The following MAD1L1 variants were observed in gnomAD, a reference collection of about 807,000 sequenced individuals.
The protein encoded by MAD1L1 is mitotic spindle assembly checkpoint protein MAD1.
A neutral mutation model predicts 96.9 loss-of-function variants in MAD1L1; 95 were observed. That is an observed-to-expected ratio of 0.98 (90% CI 0.83 to 1.16). MAD1L1 has a LOEUF of 1.16. MAD1L1 is among the 50% of genes most tolerant of loss of function. MAD1L1 has a pLI of 0.00. For missense variants in MAD1L1, 1,007 were observed against 954.4 expected (o/e 1.06, Z -0.73); for synonymous variants, 473 against 396.6 (o/e 1.19, Z -2.29).
At chr7:1,926,018 CA>C (rs761920902) in intron 17 of MAD1L1, among the ~76,000 whole-genome samples, 4 of 141,798 alleles carry the variant, frequency 2.8e-5, no homozygotes, top group African/African-American at 5.2e-5. Flanking sequence ...GGCTAACAGA[CA>C]AAAAAAGAAA....
At chr7:2,061,925 ATTCCAATATGTGACGCT>A (rs1044263217) in intron 12 of MAD1L1, among the ~76,000 whole-genome samples, 1 of 152,238 alleles carries the variant, frequency 6.6e-6, no homozygotes, top group African/African-American at 2.4e-5. Context: ...CAGGTATGTG[ATTCCAATATGTGACGCT>A]TAAAAACAGG....
chr7:1,952,341 G>A (rs755641853), intron 16 of MAD1L1, among the ~76,000 whole-genome samples: 33 of 152,232 alleles, frequency 2.2e-4, no homozygotes, highest in African/African-American at 7.2e-4. Context: ...CGGAGTGGGC[G>A]CTTCTCCTGT....
chr7:2,132,407 A>AGC (rs995524363), intron 11 of MAD1L1, among the ~76,000 whole-genome samples: 888 of 86,790 alleles, frequency 0.01, 13 homozygotes, highest in African/African-American at 0.028. Flanking sequence ...GGCCGCGTGC[A>AGC]GTCGGTTCAC....
At chr7:2,135,895 A>G (rs112616656) in intron 11 of MAD1L1, among the ~76,000 whole-genome samples, 2,252 of 152,320 alleles carry the variant, frequency 0.015, 27 homozygotes, top group Admixed American at 0.03. Flanking sequence ...ATAACTCACA[A>G]GCAGCCAGGC....
At chr7:2,210,451 C>CGGCATGAGCACCACCCCACTGACG in intron 10 of MAD1L1, among the ~76,000 whole-genome samples, 2 of 132,448 alleles carry the variant, frequency 1.5e-5, no homozygotes, top group Non-Finnish European at 3.4e-5. Context: ...CCCGTGGACT[C>CGGCATGAGCACCACCCCACTGACG]TCTAGGAGCC....
chr7:1,938,901 GCGCACACACA>G (rs1339487238), intron 16 of MAD1L1, among the ~76,000 whole-genome samples: 34 of 61,326 alleles, frequency 5.5e-4, no homozygotes, highest in African/African-American at 3.0e-3. Flanking sequence ...GGCCAGAGGC[GCGCACACACA>G]CACACACACA....
chr7:1,977,106 A>G (rs1052987378), intron 15 of MAD1L1, among the ~76,000 whole-genome samples: 1 of 152,150 alleles, frequency 6.6e-6, no homozygotes, highest in Non-Finnish European at 1.5e-5. Flanking sequence ...CCCACGTCAC[A>G]CGCCTGCACT....
chr7:2,046,936 C>A (rs556190159), intron 12 of MAD1L1, among the ~76,000 whole-genome samples: 1 of 152,356 alleles, frequency 6.6e-6, no homozygotes, highest in African/African-American at 2.4e-5. Flanking sequence ...GCACACAACA[C>A]CCCCTGGGCT....
intron 11 of MAD1L1, chr7:2,079,672 T>A (rs1562666653): frequency 2.1e-6 from 1 of 470,938 alleles, no homozygotes; most frequent in Non-Finnish European, 4.4e-6. Context: ...TAATGAATAA[T>A]CCAGTTTAGC....
intron 13 of MAD1L1, among the ~76,000 whole-genome samples, chr7:2,011,646 G>T (rs1011447160): frequency 6.6e-6 from 1 of 152,188 alleles, no homozygotes; most frequent in African/African-American, 2.4e-5. Flanking sequence ...TGACGCGGAG[G>T]TGCCCCCTCT....
intron 10 of MAD1L1, among the ~76,000 whole-genome samples, chr7:2,166,601 C>T (rs1234524048): frequency 6.6e-6 from 1 of 150,684 alleles, no homozygotes; most frequent in Non-Finnish European, 1.5e-5. Context: ...TAGATAATGG[C>T]CCCAAACACA....
chr7:2,166,668 C>T (rs1329801446), intron 10 of MAD1L1, among the ~76,000 whole-genome samples: 1 of 152,250 alleles, frequency 6.6e-6, no homozygotes, highest in Non-Finnish European at 1.5e-5. Context: ...GATGCAACCA[C>T]ACACAAGCAG....
chr7:1,903,932 A>G (rs1787443332), intron 17 of MAD1L1, among the ~76,000 whole-genome samples: 2 of 123,380 alleles, frequency 1.6e-5, no homozygotes, highest in Non-Finnish European at 3.6e-5. Context: ...CCAGGCAGCG[A>G]GGACGCAGTG....
intron 10 of MAD1L1, among the ~76,000 whole-genome samples, chr7:2,207,057 G>C (rs911505597): frequency 1.4e-5 from 2 of 142,684 alleles, no homozygotes; most frequent in Non-Finnish European, 3.0e-5. Flanking sequence ...CAGCCTGGGC[G>C]ACAGAGTAAG....
intron 18 of MAD1L1, among the ~76,000 whole-genome samples, chr7:1,851,632 G>A (rs1056665629): frequency 6.6e-6 from 1 of 152,300 alleles, no homozygotes; most frequent in East Asian, 1.9e-4. Flanking sequence ...AAACTAGAAT[G>A]GAACAGTTAG....
intron 17 of MAD1L1, among the ~76,000 whole-genome samples, chr7:1,916,708 G>T (rs538366312): frequency 3.9e-5 from 6 of 152,074 alleles, no homozygotes; most frequent in African/African-American, 1.4e-4. Flanking sequence ...CCTGTGCTGC[G>T]GGTGTCTTGT....
chr7:1,983,147 C>A (rs111720287), intron 14 of MAD1L1, among the ~76,000 whole-genome samples: 1 of 19,912 alleles, frequency 5.0e-5, no homozygotes, highest in African/African-American at 2.1e-4. Flanking sequence ...CGCGCGCGCG[C>A]GCGCGCGCAC....
chr7:2,155,451 G>A (rs79009772), intron 10 of MAD1L1, among the ~76,000 whole-genome samples: 6,707 of 152,186 alleles, frequency 0.044, 517 homozygotes, highest in African/African-American at 0.15. Flanking sequence ...AAACCCTGTC[G>A]CATTAAAGAG....
At chr7:1,894,712 G>T (rs899723242) in intron 18 of MAD1L1, among the ~76,000 whole-genome samples, 3 of 152,110 alleles carry the variant, frequency 2.0e-5, no homozygotes, top group Admixed American at 2.0e-4. Context: ...AAAGAGGGGA[G>T]GGGGCGAGCG....
Sources: gnomAD v4.1 joint callset for allele counts (sites outside exome capture counted in the v4.1 genomes callset) on GRCh38, gnomAD v4.1.1 for gene constraint, MANE v1.5 for transcripts, NCBI Gene and HGNC (gene_info 2026-07-23, HGNC 2026-07-21) for gene names.